The following PAK5 variants were observed in gnomAD, a reference collection of about 807,000 sequenced individuals.
PAK5 encodes the protein serine/threonine-protein kinase PAK 5.
Under a neutral mutation model 65.9 loss-of-function variants are expected in PAK5, and 16 were observed. The ratio of observed to expected loss-of-function variants is 0.24; its 90% CI spans 0.16 to 0.37. The LOEUF (loss-of-function observed/expected upper bound fraction) is 0.37, where lower values mean the gene tolerates loss of function less well. Ranked by LOEUF, PAK5 falls within the 10% of genes least tolerant of loss-of-function variation. The pLI, the probability that PAK5 is intolerant of heterozygous loss-of-function variation, is 1.00. For synonymous variants in PAK5, 371 were observed against 354.9 expected, an observed-to-expected ratio of 1.05 and a Z score of -0.51; for missense variants, 785 against 903.9, an observed-to-expected ratio of 0.87 and a Z score of 1.69.
intron 1 of PAK5, among the ~76,000 whole-genome samples, chr20:9,774,829 G>T (rs4501021): frequency 6.6e-6 from 1 of 151,702 alleles, no homozygotes; most frequent in Admixed American, 6.6e-5. Flanking sequence ...GATGGTGGGC[G>T]CCTGTAGTCC....
intron 3 of PAK5, among the ~76,000 whole-genome samples, chr20:9,636,706 G>T (rs528557196): frequency 4.3e-4 from 66 of 152,120 alleles, no homozygotes; most frequent in Admixed American, 2.0e-4. Context: ...TAGTATACAC[G>T]AAAAGGGATG....
chr20:9,808,910 A>G (rs2049264321), intron 1 of PAK5, among the ~76,000 whole-genome samples: 1 of 152,196 alleles, frequency 6.6e-6, no homozygotes, highest in Admixed American at 6.6e-5. Flanking sequence ...AAAAATGAGA[A>G]GAATGATTAT....
intron 8 of PAK5, among the ~76,000 whole-genome samples, chr20:9,544,019 C>T (rs2045306161): frequency 6.6e-6 from 1 of 152,204 alleles, no homozygotes; most frequent in African/African-American, 2.4e-5. Context: ...TCTGAATTCT[C>T]ATGCCTGCTC....
In PAK5 at chr20:9,589,254, G is replaced by A. The variant is rs567501372; in HGVS notation, c.205-8324C>T. Among the ~76,000 whole-genome samples, 23 of 152,282 alleles carry A rather than the reference G, an allele frequency of 1.5e-4. No individual in the cohort carries two copies. In the East Asian group the frequency reaches 4.2e-3, roughly 28 times the overall value. On this transcript the variant is annotated intron_variant, in intron 3 of 9. Coordinates refer to ENST00000353224, the MANE Select transcript of PAK5 (RefSeq NM_177990.4). ...AACTGTCTATCTAAATTCTTACCCT[G>A]TTGGTAAAGAACTGTCTTCCTTGTT...
intron 5 of PAK5, 95 bp from the exon 6 acceptor site, chr20:9,563,119 G>T: frequency 9.1e-7 from 1 of 1,095,128 alleles, no homozygotes; most frequent in Non-Finnish European, 1.4e-6. Flanking sequence ...AACTGATTGA[G>T]AGGTACTGAT....
At chr20:9,684,065 A>T (rs1000479147) in intron 2 of PAK5, among the ~76,000 whole-genome samples, 6 of 152,206 alleles carry the variant, frequency 3.9e-5, no homozygotes, top group African/African-American at 1.4e-4. Flanking sequence ...TGCCAACAAG[A>T]ACCAGTCCCA....
rs1347990774 is a variant in PAK5 at position 9,787,978 on chromosome 20, T to C, written c.-162+50784A>G. On this transcript the variant is annotated intron_variant, in intron 1 of 9. Transcript: ENST00000353224. Reference sequence around the variant, plus strand: ...GCTGTCTCCAGCCCATGTGTCTGTGTGTGTTGGGGGGGGTATGTGTGAGTA... The same window carrying C: ...GCTGTCTCCAGCCCATGTGTCTGTGCGTGTTGGGGGGGGTATGTGTGAGTA... Among the ~76,000 whole-genome samples, 6 of 71,280 alleles carry C rather than the reference T, an allele frequency of 8.4e-5. No individual in the cohort carries two copies. In the Admixed American group the frequency reaches 9.9e-4, roughly 12 times the overall value. 46.8% of individuals were successfully genotyped at this position (71,280 alleles called of 152,430 possible).
chr20:9,541,896 C>T (rs1420620445), intron 9 of PAK5, among the ~76,000 whole-genome samples: 1 of 152,178 alleles, frequency 6.6e-6, no homozygotes, highest in African/African-American at 2.4e-5. Context: ...CGCTCTCTCT[C>T]TCCTGCCACC....
rs145625346 is a variant in PAK5 at position 9,688,474 on chromosome 20, T to C, written c.-12+22812A>G. Among the ~76,000 whole-genome samples, 702 of 152,112 alleles carry C rather than the reference T, an allele frequency of 4.6e-3. 1 individual carries two copies. Among genetic ancestry groups the C allele is most frequent in the Non-Finnish European group, 7.6e-3 (518 of 68,006 alleles). ...AACCAACCCTGACTCAGGTCCCTGG[T>C]TCTCCTGCTGACTGCCCATCTGTCC... is the stretch of plus-strand genomic sequence containing the variant. On this transcript the variant is annotated intron_variant, in intron 2 of 9. Transcript: ENST00000353224.
intron 1 of PAK5, among the ~76,000 whole-genome samples, chr20:9,813,680 A>C (rs1022401202): frequency 2.6e-4 from 39 of 152,198 alleles, no homozygotes; most frequent in African/African-American, 9.4e-4. Context: ...GCAACTACAC[A>C]AAACCTCACG....
At chr20:9,800,216 A>G (rs1369591029) in intron 1 of PAK5, among the ~76,000 whole-genome samples, 1 of 152,104 alleles carries the variant, frequency 6.6e-6, no homozygotes, top group Admixed American at 6.6e-5. Context: ...TTTGAGATTC[A>G]TGACGCTTTG....
At chr20:9,629,017 C>T (rs2046886226) in intron 3 of PAK5, among the ~76,000 whole-genome samples, 1 of 152,188 alleles carries the variant, frequency 6.6e-6, no homozygotes, top group Non-Finnish European at 1.5e-5. Flanking sequence ...GCCTGTTCAT[C>T]AACAAACCAG....
intron 2 of PAK5, among the ~76,000 whole-genome samples, chr20:9,666,247 T>G (rs896643066): frequency 6.6e-6 from 1 of 152,008 alleles, no homozygotes; most frequent in Non-Finnish European, 1.5e-5. Context: ...TAATTGAAAT[T>G]AGCCATTTAC....
intron 1 of PAK5, among the ~76,000 whole-genome samples, chr20:9,810,594 G>A (rs144184769): frequency 6.6e-6 from 1 of 152,244 alleles, no homozygotes; most frequent in Non-Finnish European, 1.5e-5. Context: ...TGTTTAACTA[G>A]GCTTAATTTA....
intron 1 of PAK5, among the ~76,000 whole-genome samples, chr20:9,790,189 A>G (rs140235412): frequency 6.6e-6 from 1 of 152,214 alleles, no homozygotes; most frequent in East Asian, 1.9e-4. Flanking sequence ...CCTGCAATCT[A>G]CTGCTTTATC....
At chr20:9,698,271 T>G (rs1185025763) in intron 2 of PAK5, among the ~76,000 whole-genome samples, 1 of 152,112 alleles carries the variant, frequency 6.6e-6, no homozygotes, top group Non-Finnish European at 1.5e-5. Context: ...ACACTCCTCT[T>G]AAGTAGTTCA....
At chr20:9,574,845 C>T (rs995351211) in intron 4 of PAK5, among the ~76,000 whole-genome samples, 2 of 152,172 alleles carry the variant, frequency 1.3e-5, no homozygotes, top group Non-Finnish European at 2.9e-5. Flanking sequence ...TCAAGTGCTT[C>T]TCTCTTTCCC....
At chr20:9,717,783 C>T (rs1042966440) in intron 1 of PAK5, among the ~76,000 whole-genome samples, 2 of 152,144 alleles carry the variant, frequency 1.3e-5, no homozygotes, top group Non-Finnish European at 2.9e-5. Flanking sequence ...CCATGACTGG[C>T]TAATTTTTGT....
At chr20:9,605,629 G>C (rs73063767) in intron 3 of PAK5, among the ~76,000 whole-genome samples, 4,464 of 152,242 alleles carry the variant, frequency 0.029, 103 homozygotes, top group Non-Finnish European at 0.042. Flanking sequence ...TCCCCACTGG[G>C]TTAAAAGTGA....
Sources: gnomAD v4.1 joint callset for allele counts (sites outside exome capture counted in the v4.1 genomes callset) on GRCh38, gnomAD v4.1.1 for gene constraint, MANE v1.5 for transcripts, NCBI Gene and HGNC (gene_info 2026-07-23, HGNC 2026-07-21) for gene names.